TMEM17: variants seen among roughly 807,000 people sequenced by gnomAD.
TMEM17 encodes transmembrane protein 17.
Under a neutral mutation model 19.1 loss-of-function variants are expected in TMEM17, and 15 were observed. That is an observed-to-expected ratio of 0.78 (90% CI 0.52 to 1.21). The LOEUF is 1.21. Ranked by LOEUF, TMEM17 falls within the 50% of genes most tolerant of loss-of-function variation. TMEM17 has a pLI of 0.00. For synonymous variants in TMEM17, 103 were observed against 86.9 expected (o/e 1.19, Z -1.03); for missense variants, 245 against 242.3 (o/e 1.01, Z -0.07).
chr2:62,470,902 G>T, the TMEM17 span, among the ~76,000 whole-genome samples: 2 of 152,204 alleles, frequency 1.3e-5, no homozygotes, highest in Non-Finnish European at 2.9e-5. Context: ...ACTTGAGCCT[G>T]TCTTGAGAAC....
At chr2:62,468,989 A>G in the TMEM17 span, among the ~76,000 whole-genome samples, 4 of 152,244 alleles carry the variant, frequency 2.6e-5, no homozygotes, top group African/African-American at 4.8e-5. Flanking sequence ...CAGGCCCAGC[A>G]ATGGCAGCCA....
At chr2:62,490,442 T>C in the TMEM17 span, among the ~76,000 whole-genome samples, 8 of 152,090 alleles carry the variant, frequency 5.3e-5, no homozygotes, top group Non-Finnish European at 8.8e-5. Flanking sequence ...ATTTTTATTT[T>C]TTGTAGACAC....
chr2:62,494,317 A>G, the TMEM17 span, among the ~76,000 whole-genome samples: 5 of 152,308 alleles, frequency 3.3e-5, no homozygotes, highest in African/African-American at 1.2e-4. Context: ...GCAAGGGCTT[A>G]TTGACCACTG....
intron 2 of TMEM17, 60 bp from the exon 3 acceptor site, chr2:62,502,610 T>TA (rs1415783285): frequency 1.5e-6 from 2 of 1,366,532 alleles, no homozygotes; most frequent in African/African-American, 5.1e-5. Flanking sequence ...TGATTTAAGA[T>TA]AGAAAAAATT....
the TMEM17 span, among the ~76,000 whole-genome samples, chr2:62,486,664 G>A: frequency 2.0e-5 from 3 of 152,154 alleles, no homozygotes; most frequent in Non-Finnish European, 4.4e-5. Context: ...AAAATAGAGG[G>A]AATGAAAAGA....
At chr2:62,474,621 C>T in the TMEM17 span, among the ~76,000 whole-genome samples, 1 of 152,064 alleles carries the variant, frequency 6.6e-6, no homozygotes, top group Admixed American at 6.5e-5. Context: ...AAGACCTTAC[C>T]CCTTGAAGAG....
At chr2:62,478,682 C>T in the TMEM17 span, among the ~76,000 whole-genome samples, 3 of 152,096 alleles carry the variant, frequency 2.0e-5, no homozygotes, top group Admixed American at 6.5e-5. Context: ...ATGCTGGTCC[C>T]ATTTATTTCA....
downstream of TMEM17, among the ~76,000 whole-genome samples, chr2:62,500,056 C>T (rs949299682): frequency 1.3e-5 from 2 of 152,186 alleles, no homozygotes; most frequent in African/African-American, 4.8e-5. Flanking sequence ...CTTTGGTGAA[C>T]AAGAACCTAG....
intron 1 of TMEM17, among the ~76,000 whole-genome samples, chr2:62,504,324 C>T (rs1012825856): frequency 6.6e-6 from 1 of 152,162 alleles, no homozygotes; most frequent in African/African-American, 2.4e-5. Flanking sequence ...AGCAACAGTA[C>T]AAAGCTGCGG....
chr2:62,465,427 T>G, the TMEM17 span, among the ~76,000 whole-genome samples: 1 of 152,214 alleles, frequency 6.6e-6, no homozygotes, highest in Admixed American at 6.5e-5. Context: ...CTCTGTACTA[T>G]TTTTCCAACT....
At chr2:62,471,521 A>G in the TMEM17 span, among the ~76,000 whole-genome samples, 14 of 152,340 alleles carry the variant, frequency 9.2e-5, no homozygotes, top group Middle Eastern at 0.027. Context: ...GTGGGCTAAA[A>G]TGGTCAGAGA....
the TMEM17 span, among the ~76,000 whole-genome samples, chr2:62,483,909 A>G: frequency 6.6e-6 from 1 of 152,100 alleles, no homozygotes; most frequent in Non-Finnish European, 1.5e-5. Flanking sequence ...CCTACGATAC[A>G]GATTTGAAAG....
chr2:62,505,913 G>C (rs1288088820), intron 1 of TMEM17, 117 bp downstream of exon 1: 8 of 1,030,582 alleles, frequency 7.8e-6, no homozygotes, highest in Admixed American at 2.3e-5. Context: ...CCCGCACTGC[G>C]GAGAACTGGC....
At chr2:62,498,672 C>T (rs1679836717), downstream of TMEM17, among the ~76,000 whole-genome samples, 2 of 147,188 alleles carry the variant, frequency 1.4e-5, no homozygotes, top group South Asian at 2.1e-4. Flanking sequence ...GCCGAGATCC[C>T]GCCACTGCAC....
In TMEM17 at chr2:62,501,227, T is replaced by C; in HGVS notation, c.579A>G (p.Ser193=). 32 of 1,614,234 alleles carry C rather than the reference T, an allele frequency of 2.0e-5. No homozygotes were observed. Among genetic ancestry groups the C allele is most frequent in the Non-Finnish European group, 2.7e-5 (32 of 1,180,034 alleles). ...CACTGGATCAGATCTCTTCTATACA[T>C]GACCTCATCCTTCTCATGTCTCCTC... ...ANRGDMRRMR[S]CIEEI The change falls in exon 4 of 4, where the codon TCA becomes TCG. Residue 193 remains serine, a synonymous_variant. Transcript: ENST00000335390.
At chr2:62,466,198 G>T in the TMEM17 span, among the ~76,000 whole-genome samples, 2 of 152,132 alleles carry the variant, frequency 1.3e-5, no homozygotes, top group Admixed American at 1.3e-4. Flanking sequence ...ATGAGTGAAG[G>T]ATAAACTCCA....
chr2:62,491,104 A>C, the TMEM17 span: 1 of 151,314 alleles, frequency 6.6e-6, no homozygotes, highest in Non-Finnish European at 1.5e-5. Flanking sequence ...AAAAAAAAAA[A>C]ACCTCTTCAG....
chr2:62,477,567 A>G, the TMEM17 span, among the ~76,000 whole-genome samples: 1 of 152,238 alleles, frequency 6.6e-6, no homozygotes, highest in Non-Finnish European at 1.5e-5. Context: ...TAGTGTCCAC[A>G]GCATTGTAGA....
intron 1 of TMEM17, among the ~76,000 whole-genome samples, chr2:62,503,672 A>G (rs902833393): frequency 2.6e-5 from 4 of 152,208 alleles, no homozygotes; most frequent in African/African-American, 9.6e-5. Flanking sequence ...CTCAACAAAT[A>G]TTAGTCCTCT....
Sources: gnomAD v4.1 joint callset for allele counts (sites outside exome capture counted in the v4.1 genomes callset) on GRCh38, gnomAD v4.1.1 for gene constraint, MANE v1.5 for transcripts, NCBI Gene and HGNC (gene_info 2026-07-23, HGNC 2026-07-21) for gene names.